Variants in NTNG1 observed in about 807,000 individuals in gnomAD.
NTNG1 encodes the protein netrin G1.
Under a neutral mutation model 54.0 loss-of-function variants are expected in NTNG1, and 16 were observed. The ratio of observed to expected loss-of-function variants is 0.30; its 90% CI spans 0.20 to 0.45. The LOEUF (loss-of-function observed/expected upper bound fraction) is 0.45, where lower values mean the gene tolerates loss of function less well. Among genes scored for constraint, NTNG1 ranks in the 20% least tolerant of loss-of-function variants. The pLI, the probability that NTNG1 is intolerant of heterozygous loss-of-function variation, is 1.00. For missense variants in NTNG1, 530 were observed against 678.7 expected, an observed-to-expected ratio of 0.78 and a Z score of 2.43; for synonymous variants, 255 against 263.1, an observed-to-expected ratio of 0.97 and a Z score of 0.30.
At chr1:107,468,531 A>G (rs901284910) in intron 7 of NTNG1, among the ~76,000 whole-genome samples, 1 of 152,212 alleles carries the variant, frequency 6.6e-6, no homozygotes, top group African/African-American at 2.4e-5. Context: ...ATTGTCTTTC[A>G]TAATTCCAAC....
chr1:107,341,975 T>C (rs1668923467), intron 3 of NTNG1, among the ~76,000 whole-genome samples: 1 of 151,952 alleles, frequency 6.6e-6, no homozygotes, highest in Non-Finnish European at 1.5e-5. Flanking sequence ...GAAAAAAATA[T>C]GTGAGTGCAT....
chr1:107,458,167 A>G (rs1272148477), intron 7 of NTNG1, among the ~76,000 whole-genome samples: 8 of 152,176 alleles, frequency 5.3e-5, no homozygotes, highest in Non-Finnish European at 1.5e-5. Context: ...CCCTTACTTT[A>G]AATCTATTAG....
intron 2 of NTNG1, among the ~76,000 whole-genome samples, chr1:107,215,303 T>C (rs1659877930): frequency 6.6e-6 from 1 of 152,216 alleles, no homozygotes; most frequent in Non-Finnish European, 1.5e-5. Context: ...CTTGAGTTGA[T>C]TTTTATATAA....
intron 5 of NTNG1, among the ~76,000 whole-genome samples, chr1:107,430,313 A>G (rs980352095): frequency 3.9e-5 from 6 of 152,142 alleles, no homozygotes; most frequent in African/African-American, 2.4e-5. Context: ...TGGTGATGGT[A>G]CTTAGACTCT....
At chr1:107,319,961 G>T (rs1376635691) in intron 2 of NTNG1, among the ~76,000 whole-genome samples, 1 of 151,668 alleles carries the variant, frequency 6.6e-6, no homozygotes, top group East Asian at 1.9e-4. Context: ...AAGAAAGGAA[G>T]AAAGACACCT....
chr1:107,433,470 C>A (rs776721041), intron 6 of NTNG1, among the ~76,000 whole-genome samples: 21 of 152,076 alleles, frequency 1.4e-4, no homozygotes, highest in Admixed American at 7.9e-4. Context: ...CAGTTGAACT[C>A]GAGAGGTAGA....
intron 3 of NTNG1, among the ~76,000 whole-genome samples, chr1:107,388,669 C>T (rs1411900835): frequency 1.3e-5 from 2 of 152,154 alleles, no homozygotes; most frequent in Non-Finnish European, 2.9e-5. Flanking sequence ...TTATCCTGGC[C>T]TTACAGTAAG....
At chr1:107,251,153 A>C (rs1662578717) in intron 2 of NTNG1, among the ~76,000 whole-genome samples, 2 of 152,206 alleles carry the variant, frequency 1.3e-5, no homozygotes, top group South Asian at 4.1e-4. Context: ...TTCTAGTTGA[A>C]AGATTTACCT....
chr1:107,364,214 T>A (rs1017499848), intron 3 of NTNG1, among the ~76,000 whole-genome samples: 28 of 152,236 alleles, frequency 1.8e-4, no homozygotes, highest in African/African-American at 6.8e-4. Flanking sequence ...GTTTTCAGAA[T>A]ATACTTACTA....
chr1:107,406,781 G>A (rs1673454279), intron 4 of NTNG1, among the ~76,000 whole-genome samples: 2 of 152,100 alleles, frequency 1.3e-5, no homozygotes, highest in Admixed American at 1.3e-4. Flanking sequence ...AACTCTTGCA[G>A]CAACCCTAAG....
intron 3 of NTNG1, among the ~76,000 whole-genome samples, chr1:107,382,416 T>C (rs1671705863): frequency 6.6e-6 from 1 of 152,232 alleles, no homozygotes; most frequent in South Asian, 2.1e-4. Context: ...CCATGTTAAA[T>C]TATTTTAAAT....
At chr1:107,377,054 G>A (rs1045649695) in intron 3 of NTNG1, among the ~76,000 whole-genome samples, 1 of 152,204 alleles carries the variant, frequency 6.6e-6, no homozygotes, top group East Asian at 1.9e-4. Context: ...TGGCTTCAGG[G>A]TCCCCCTGAC....
chr1:107,480,641 G>A lies in NTNG1; in HGVS notation c.1421G>A (p.Cys474Tyr). Residue 474 changes from cysteine to tyrosine, a missense_variant, in exon 8 of 8, where the codon TGC becomes TAC. Around this residue, in one of 2 missense-constraint regions of NTNG1, gnomAD observed 212 missense variants for 213.6 expected, o/e 0.99. Coordinates refer to ENST00000370068, the MANE Select transcript of NTNG1 (RefSeq NM_001113226.3). ...PNVCDNELLH[C>Y]QNGGTCHNNV... ...GTCTGCGACAACGAGCTCCTGCACTGCCAGAACGGAGGGACGTGCCACAAC... is the reference window on the plus strand; with the variant it reads ...GTCTGCGACAACGAGCTCCTGCACTACCAGAACGGAGGGACGTGCCACAAC... The A allele has an allele frequency of 7.5e-7, 1 of 1,337,912 alleles. No homozygotes were observed. The highest frequency in any genetic ancestry group is 9.9e-7 in the Non-Finnish European group (1 of 1,012,464). The allele number at this position is 1,337,912 out of a possible 1,614,324, so 82.9% of individuals were successfully genotyped here.
At chr1:107,183,393 T>G (rs1343725909) in intron 2 of NTNG1, among the ~76,000 whole-genome samples, 1 of 152,194 alleles carries the variant, frequency 6.6e-6, no homozygotes, top group Non-Finnish European at 1.5e-5. Flanking sequence ...ATCAGTTAGA[T>G]AAACCTCAAA....
At chr1:107,198,487 C>T (rs1157697843) in intron 2 of NTNG1, among the ~76,000 whole-genome samples, 1 of 151,916 alleles carries the variant, frequency 6.6e-6, no homozygotes, top group African/African-American at 2.4e-5. Context: ...AAAATTACAT[C>T]ACAGGAAATC....
chr1:107,303,762 C>T lies in NTNG1; in HGVS notation c.247-20520C>T, dbSNP rs550476097. Among the ~76,000 whole-genome samples, 3 of 152,284 alleles carry T rather than the reference C, an allele frequency of 2.0e-5. No homozygotes were observed. In the South Asian group the frequency reaches 6.2e-4, roughly 32 times the overall value. ...AATGCAGTGGAACGATCTCGGCTCA[C>T]TGCAACCTCCGCCTCCCAGGTTCAA... On this transcript the variant is annotated intron_variant, in intron 2 of 7. Transcript: ENST00000370068.
rs575957174 is a variant in NTNG1 at position 107,459,620 on chromosome 1, C to T, written c.1391-20991C>T. ...TTATTTGCAGTCAAGATTAATGATT[C>T]TTTACAGGTTGGGGGAGGACTTAGC... On this transcript the variant is annotated intron_variant, in intron 7 of 7. Transcript: ENST00000370068. Among the ~76,000 whole-genome samples the T allele has an allele frequency of 3.3e-5, 5 of 152,276 alleles. No individual in the cohort carries two copies. In the East Asian group the frequency reaches 7.7e-4, roughly 23 times the overall value.
intron 2 of NTNG1, among the ~76,000 whole-genome samples, chr1:107,219,225 T>C (rs1449743153): frequency 6.6e-6 from 1 of 152,056 alleles, no homozygotes; most frequent in African/African-American, 2.4e-5. Flanking sequence ...TTCAGGGCAT[T>C]TTGCAATTCT....
At chr1:107,322,106 A>G (rs1557897963) in intron 2 of NTNG1, among the ~76,000 whole-genome samples, 2 of 152,078 alleles carry the variant, frequency 1.3e-5, no homozygotes, top group African/African-American at 4.8e-5. Flanking sequence ...CTTCAACCAT[A>G]TTTTTTAAAA....
Sources: allele counts gnomAD v4.1 joint callset (sites outside exome capture counted in the v4.1 genomes callset), GRCh38; gene constraint gnomAD v4.1.1; regional missense constraint gnomAD v4.1.1; transcripts MANE v1.5; gene names NCBI Gene and HGNC (gene_info 2026-07-23, HGNC 2026-07-21).